CNTNAP5: variants seen among roughly 807,000 people sequenced by gnomAD.
CNTNAP5 encodes contactin-associated protein-like 5.
Under a neutral mutation model 150.2 loss-of-function variants are expected in CNTNAP5, and 72 were observed. That is an observed-to-expected ratio of 0.48 (90% CI 0.40 to 0.58). CNTNAP5 has a LOEUF of 0.58. CNTNAP5 is among the 20% of genes least tolerant of loss of function. The pLI, the probability that CNTNAP5 is intolerant of heterozygous loss-of-function variation, is 0.00. For missense variants in CNTNAP5, 1,636 were observed against 1,626.2 expected (o/e 1.01, Z -0.10); for synonymous variants, 672 against 619.8 (o/e 1.08, Z -1.25).
At chr2:124,128,805 G>C (rs192684616) in intron 1 of CNTNAP5, among the ~76,000 whole-genome samples, 2 of 152,066 alleles carry the variant, frequency 1.3e-5, no homozygotes, top group Non-Finnish European at 2.9e-5. Context: ...GCAAACTATC[G>C]CAAGGGCAGA....
At position 124,912,370 on chromosome 2, in the gene CNTNAP5, C is replaced by G. The variant is rs535050300; in HGVS notation, c.3727+832C>G. On this transcript the variant is annotated intron_variant, in intron 23 of 23. Transcript: ENST00000682447. ...CTCCATTTAGCTTATATTTAATGAG[C>G]CTTGCTATGGGTCAGGCTCTGTGCT... Among the ~76,000 whole-genome samples the G allele has an allele frequency of 5.9e-5, 9 of 152,128 alleles. No individual in the cohort carries two copies. The South Asian group carries it at 1.9e-3, about 32-fold the overall frequency.
chr2:124,145,928 T>C (rs2104624995), intron 1 of CNTNAP5, among the ~76,000 whole-genome samples: 1 of 151,352 alleles, frequency 6.6e-6, no homozygotes, highest in Middle Eastern at 3.5e-3. Context: ...TGACTGTAAA[T>C]GATACACAGC....
At chr2:124,615,704 A>T (rs1160781694) in intron 12 of CNTNAP5, among the ~76,000 whole-genome samples, 2 of 152,204 alleles carry the variant, frequency 1.3e-5, no homozygotes, top group East Asian at 3.9e-4. Context: ...TGCTTTCCAG[A>T]AGGTCTTCAA....
At chr2:124,541,209 T>C (rs906152974) in intron 10 of CNTNAP5, among the ~76,000 whole-genome samples, 14 of 113,244 alleles carry the variant, frequency 1.2e-4, no homozygotes, top group African/African-American at 4.0e-4. Flanking sequence ...TGAGAAGAAA[T>C]TTTTTCACTG....
rs1695000331 is a variant in CNTNAP5, at chr2:124,527,466, G to C, written c.1649+10G>C. 6.2e-7 allele frequency: 1 copy of C among 1,604,716 alleles called. No homozygotes were observed. Among genetic ancestry groups the C allele is most frequent in the African/African-American group, 1.3e-5 (1 of 74,562 alleles). On this transcript the variant is annotated intron_variant, in intron 10 of 23. Transcript: ENST00000682447. ...GTAGCATCAAAGACAGGTAATTATTGTCTCTTCTCCTCTGTTCTGCCACCC... is the reference window on the plus strand; with the variant it reads ...GTAGCATCAAAGACAGGTAATTATTCTCTCTTCTCCTCTGTTCTGCCACCC...
At chr2:124,745,336 G>C (rs1382213935) in intron 13 of CNTNAP5, among the ~76,000 whole-genome samples, 2 of 152,148 alleles carry the variant, frequency 1.3e-5, no homozygotes, top group Non-Finnish European at 2.9e-5. Flanking sequence ...GTAGAGGCCT[G>C]GGCTGTTGAA....
At chr2:124,455,729 G>A (rs920757011) in intron 6 of CNTNAP5, among the ~76,000 whole-genome samples, 1 of 152,036 alleles carries the variant, frequency 6.6e-6, no homozygotes, top group Admixed American at 6.5e-5. Flanking sequence ...GATCAAGTGG[G>A]ATTCATACCA....
At chr2:124,559,164 T>C (rs974052825) in intron 10 of CNTNAP5, among the ~76,000 whole-genome samples, 16 of 152,232 alleles carry the variant, frequency 1.1e-4, no homozygotes, top group African/African-American at 3.6e-4. Context: ...TCACTTTATC[T>C]ATTACCTGGA....
intron 3 of CNTNAP5, among the ~76,000 whole-genome samples, chr2:124,394,701 A>G (rs1183801965): frequency 6.6e-6 from 1 of 152,200 alleles, no homozygotes; most frequent in Non-Finnish European, 1.5e-5. Context: ...TTCCCATTTC[A>G]CAGAGGAAGA....
At chr2:124,130,817 TG>T (rs1558767937) in intron 1 of CNTNAP5, among the ~76,000 whole-genome samples, 3 of 152,214 alleles carry the variant, frequency 2.0e-5, no homozygotes, top group African/African-American at 7.2e-5. Context: ...TCTCCTTTAG[TG>T]CTCGGTAATG....
intron 1 of CNTNAP5, among the ~76,000 whole-genome samples, chr2:124,162,089 G>A (rs1684693455): frequency 6.6e-6 from 1 of 152,128 alleles, no homozygotes. Context: ...AAAGCCTTGG[G>A]CAAGCTATTT....
At chr2:124,454,329 G>T (rs953494100) in intron 6 of CNTNAP5, among the ~76,000 whole-genome samples, 1 of 152,072 alleles carries the variant, frequency 6.6e-6, no homozygotes, top group Admixed American at 6.6e-5. Context: ...ATGATAAAAG[G>T]CCTTGTCCAA....
intron 1 of CNTNAP5, among the ~76,000 whole-genome samples, chr2:124,191,300 C>A (rs1685452113): frequency 6.6e-6 from 1 of 152,156 alleles, no homozygotes; most frequent in African/African-American, 2.4e-5. Context: ...GATGGGGATT[C>A]TCTGAACCGC....
chr2:124,286,669 A>G (rs1345005660), intron 3 of CNTNAP5, among the ~76,000 whole-genome samples: 4 of 152,176 alleles, frequency 2.6e-5, no homozygotes, highest in African/African-American at 9.7e-5. Context: ...CTGTTGGCCT[A>G]CAGACCAAGA....
intron 19 of CNTNAP5, among the ~76,000 whole-genome samples, chr2:124,856,075 GGTGTGTGTGTGTGTGTGTGTGTGTGT>G (rs56676705): frequency 6.9e-6 from 1 of 144,234 alleles, no homozygotes; most frequent in Non-Finnish European, 1.5e-5. Flanking sequence ...AATAGTCCAT[GGTGTGTGTGTGTGTGTGTGTGTGTGT>G]GTGTGTGTGT....
chr2:124,330,402 T>C (rs1689321163), intron 3 of CNTNAP5, among the ~76,000 whole-genome samples: 2 of 152,164 alleles, frequency 1.3e-5, no homozygotes, highest in South Asian at 4.1e-4. Context: ...TCAAATCTCA[T>C]CTTGAATTGT....
intron 1 of CNTNAP5, among the ~76,000 whole-genome samples, chr2:124,091,386 G>A (rs571694230): frequency 1.2e-4 from 18 of 152,260 alleles, no homozygotes; most frequent in Admixed American, 8.5e-4. Flanking sequence ...GTGAGAGAAG[G>A]AGAGAGAAAT....
intron 7 of CNTNAP5, among the ~76,000 whole-genome samples, chr2:124,503,381 C>T (rs1162282608): frequency 6.6e-6 from 1 of 152,192 alleles, no homozygotes; most frequent in Admixed American, 6.5e-5. Flanking sequence ...CTAACTCTGC[C>T]ACCTGGCCAC....
chr2:124,885,381 C>G (rs1678057075), intron 21 of CNTNAP5, among the ~76,000 whole-genome samples: 1 of 151,910 alleles, frequency 6.6e-6, no homozygotes, highest in African/African-American at 2.4e-5. Flanking sequence ...GGGACTATAG[C>G]CTGCTCAATT....
Sources: gnomAD v4.1 joint callset for allele counts (sites outside exome capture counted in the v4.1 genomes callset) on GRCh38, gnomAD v4.1.1 for gene constraint, MANE v1.5 for transcripts, NCBI Gene and HGNC (gene_info 2026-07-23, HGNC 2026-07-21) for gene names.